DDO: variants seen among roughly 807,000 people sequenced by gnomAD.
DDO encodes D-aspartate oxidase, DDO.
DDO carries 16 observed loss-of-function variants against 16.8 expected under a neutral mutation model. The ratio of observed to expected loss-of-function variants is 0.95; its 90% CI spans 0.65 to 1.45. The LOEUF (loss-of-function observed/expected upper bound fraction) is 1.45, where lower values mean the gene tolerates loss of function less well. Ranked by LOEUF, DDO falls within the 40% of genes most tolerant of loss-of-function variation. The pLI is 0.00. For missense variants in DDO, 429 were observed against 420.3 expected (o/e 1.02, Z -0.18); for synonymous variants, 180 against 167.2 (o/e 1.08, Z -0.59).
At chr6:110,411,547 A>G (rs554084998) in intron 2 of DDO, among the ~76,000 whole-genome samples, 1 of 152,320 alleles carries the variant, frequency 6.6e-6, no homozygotes, top group Non-Finnish European at 1.5e-5. Context: ...AACAAAAAAG[A>G]GCTTTGGAAT....
intron 2 of DDO, among the ~76,000 whole-genome samples, chr6:110,409,885 C>T (rs183353186): frequency 6.6e-6 from 1 of 152,316 alleles, no homozygotes; most frequent in African/African-American, 2.4e-5. Flanking sequence ...AAAGAACAGA[C>T]AATTCCCATC....
chr6:110,394,274 T>A (rs968052713), intron 4 of DDO, among the ~76,000 whole-genome samples: 2 of 152,036 alleles, frequency 1.3e-5, no homozygotes, highest in Non-Finnish European at 2.9e-5. Flanking sequence ...CCGGCTAATT[T>A]TTTTGTATTT....
rs753462765 is a variant in DDO at position 110,393,042 on chromosome 6, C to T, written c.759G>A (p.Glu253=). The T allele has an allele frequency of 1.2e-5, 20 of 1,611,864 alleles. No homozygotes were observed. The highest frequency in any genetic ancestry group is 1.6e-5 in the Non-Finnish European group (19 of 1,178,076). The change falls in exon 5 of 5, where the codon GAG becomes GAA. Residue 253 remains glutamate, a synonymous_variant. Transcript: ENST00000368924. The part of the protein sequence containing the change: ...NLSPDAENSR[E]ILSRCCALEP... ...CCAGAGCACAGCATCGGGAAAGAAT[C>T]TCTCTGCTATTTTCTGCATCCGGGG...
At chr6:110,405,864 T>C (rs2094526199) in intron 3 of DDO, among the ~76,000 whole-genome samples, 1 of 151,878 alleles carries the variant, frequency 6.6e-6, no homozygotes, top group Non-Finnish European at 1.5e-5. Context: ...AATTGGACCA[T>C]TGCGCTCCAG....
At chr6:110,406,798 G>A (rs944818372) in intron 3 of DDO, among the ~76,000 whole-genome samples, 56 of 149,872 alleles carry the variant, frequency 3.7e-4, no homozygotes, top group African/African-American at 1.3e-3. Context: ...TGATGGTCTC[G>A]GATGAAACAC....
intron 4 of DDO, among the ~76,000 whole-genome samples, chr6:110,399,624 G>A (rs943468708): frequency 6.6e-6 from 1 of 152,132 alleles, no homozygotes; most frequent in Non-Finnish European, 1.5e-5. Flanking sequence ...TCCTGAGGGA[G>A]GAAAGGGGAC....
chr6:110,399,916 C>T (rs1305930911), intron 4 of DDO, among the ~76,000 whole-genome samples: 1 of 152,322 alleles, frequency 6.6e-6, no homozygotes, highest in African/African-American at 2.4e-5. Flanking sequence ...CCCCAGGACT[C>T]GGGTAAAAGG....
Position 110,392,454 on chromosome 6 carries a change from T to C in DDO, c.*321A>G. On this transcript the variant is annotated 3_prime_UTR_variant, in exon 5 of 5. Coordinates refer to ENST00000368924, the MANE Select transcript of DDO (RefSeq NM_001372108.2). Reference sequence around the variant, plus strand: ...AGAGCTTTATGCCCTATGCCATTAATGCTGGACTTCCTAAGTAAGCCTACA... The same window carrying C: ...AGAGCTTTATGCCCTATGCCATTAACGCTGGACTTCCTAAGTAAGCCTACA... The C allele has an allele frequency of 9.4e-7, 1 of 1,060,570 alleles. No homozygotes were observed. 65.7% of individuals were successfully genotyped at this position (1,060,570 alleles called of 1,614,324 possible).
At chr6:110,404,712 T>C in intron 4 of DDO, 62 bp downstream of exon 4, 2 of 1,554,914 alleles carry the variant, frequency 1.3e-6, no homozygotes, top group Non-Finnish European at 1.8e-6. Context: ...ATTTTATGAA[T>C]AGCTACGAAG....
intron 4 of DDO, among the ~76,000 whole-genome samples, chr6:110,402,547 C>T (rs573618478): frequency 6.5e-4 from 99 of 152,202 alleles, no homozygotes; most frequent in African/African-American, 2.1e-3. Context: ...CACCTGTAAT[C>T]CCAGCTACTT....
intron 4 of DDO, among the ~76,000 whole-genome samples, chr6:110,396,150 C>G (rs1301555003): frequency 1.3e-5 from 2 of 152,262 alleles, no homozygotes; most frequent in Non-Finnish European, 2.9e-5. Context: ...CCTATTCCAT[C>G]AAGTACAAGC....
intron 1 of DDO, among the ~76,000 whole-genome samples, chr6:110,413,805 G>C (rs528257380): frequency 5.9e-5 from 9 of 151,984 alleles, no homozygotes; most frequent in African/African-American, 1.7e-4. Flanking sequence ...AGGGGGTCTT[G>C]CTCTGTTGCC....
At chr6:110,405,290 G>A (rs554909782) in intron 3 of DDO, among the ~76,000 whole-genome samples, 3 of 152,106 alleles carry the variant, frequency 2.0e-5, no homozygotes, top group Admixed American at 2.0e-4. Context: ...CACCCACCTT[G>A]GCCTCCCAAA....
intron 4 of DDO, among the ~76,000 whole-genome samples, chr6:110,396,705 T>C (rs543714481): frequency 1.3e-5 from 2 of 152,134 alleles, no homozygotes; most frequent in Non-Finnish European, 2.9e-5. Context: ...GTTTGTTTGT[T>C]TGTTTGTTTG....
At chr6:110,397,330 G>T (rs1773323942) in intron 4 of DDO, among the ~76,000 whole-genome samples, 1 of 152,156 alleles carries the variant, frequency 6.6e-6, no homozygotes, top group East Asian at 1.9e-4. Context: ...TTTCATTAAG[G>T]ATGATATTTC....
chr6:110,408,512 C>T, intron 2 of DDO, 70 bp from the exon 3 acceptor site: 1 of 1,391,118 alleles, frequency 7.2e-7, no homozygotes, highest in East Asian at 2.3e-5. Context: ...TTCAAATAAG[C>T]TCCTTCCTAG....
intron 4 of DDO, among the ~76,000 whole-genome samples, chr6:110,402,419 C>G (rs1218404800): frequency 6.6e-6 from 1 of 152,184 alleles, no homozygotes; most frequent in Non-Finnish European, 1.5e-5. Flanking sequence ...AATCCCAGCA[C>G]TTTGGGAGGC....
rs1419380026 is a variant in DDO, at chr6:110,392,547, T to C, written c.*228A>G. On this transcript the variant is annotated 3_prime_UTR_variant, in exon 5 of 5. Coordinates refer to ENST00000368924, the MANE Select transcript of DDO (RefSeq NM_001372108.2). ...GGGAACTGGCACCTCTAAAAAATGT[T>C]ACCCAGATTGCACTCAAACTCCTGG... The C allele has an allele frequency of 1.6e-6, 2 of 1,215,956 alleles. No homozygotes were observed. Among genetic ancestry groups the C allele is most frequent in the Admixed American group, 8.4e-5 (2 of 23,702 alleles). The allele number at this position is 1,215,956 out of a possible 1,614,324, so 75.3% of individuals were successfully genotyped here. A position where few individuals can be genotyped will look rare whatever the true frequency, so the allele number is the denominator to read the frequency against.
chr6:110,406,884 C>G (rs756373074), intron 3 of DDO, among the ~76,000 whole-genome samples: 7 of 152,220 alleles, frequency 4.6e-5, no homozygotes, highest in Non-Finnish European at 1.0e-4. Flanking sequence ...GCACCCTAGC[C>G]TCTTCCTTTT....
Sources: allele counts gnomAD v4.1 joint callset (sites outside exome capture counted in the v4.1 genomes callset), GRCh38; gene constraint gnomAD v4.1.1; transcripts MANE v1.5; gene names NCBI Gene and HGNC (gene_info 2026-07-23, HGNC 2026-07-21).